Variants in DDX50 observed in about 807,000 individuals in gnomAD.
DDX50 encodes the protein DExD-box helicase 50.
A neutral mutation model predicts 94.8 loss-of-function variants in DDX50; 56 were observed. That is an observed-to-expected ratio of 0.59 (90% confidence interval 0.48 to 0.74). The LOEUF (loss-of-function observed/expected upper bound fraction) is 0.74. Ranked by LOEUF, DDX50 falls within the 30% of genes least tolerant of loss-of-function variation. The pLI is 0.00. For missense variants in DDX50, 713 were observed against 881.2 expected (o/e 0.81, Z 2.42); for synonymous variants, 264 against 295.4 (o/e 0.89, Z 1.09).
At chr10:68,946,215 C>T in intron 14 of DDX50, 137 bp from the exon 15 acceptor site, 1 of 1,081,964 alleles carries the variant, frequency 9.2e-7, no homozygotes, top group Non-Finnish European at 1.3e-6. Flanking sequence ...TTCTGGTTTT[C>T]ATTTTTGTTC....
chr10:68,946,713 T>G lies in DDX50; in HGVS notation c.*83T>G, dbSNP rs1368986494. 1 of 1,508,184 alleles carries G rather than the reference T, an allele frequency of 6.6e-7. No homozygotes were observed. The highest frequency in any genetic ancestry group is 8.9e-7 in the Non-Finnish European group (1 of 1,121,868). The allele number at this position is 1,508,184 out of a possible 1,614,324, so 93.4% of individuals were successfully genotyped here. ...TTATCCACCAAAAATTAGGTCATCATAGTTGAGGTATGTGTCTGCTATTTG... is the reference window on the plus strand; with the variant it reads ...TTATCCACCAAAAATTAGGTCATCAGAGTTGAGGTATGTGTCTGCTATTTG... On this transcript the variant is annotated 3_prime_UTR_variant, in exon 15 of 15. Coordinates refer to ENST00000373585, the MANE Select transcript of DDX50 (RefSeq NM_024045.2).
At chr10:68,939,125 T>A (rs1264010841) in intron 12 of DDX50, among the ~76,000 whole-genome samples, 2 of 152,216 alleles carry the variant, frequency 1.3e-5, no homozygotes. Context: ...GTTAGGTTGT[T>A]CCAGTACTAG....
chr10:68,935,653 G>A (rs1014849238), intron 10 of DDX50, among the ~76,000 whole-genome samples: 1 of 152,080 alleles, frequency 6.6e-6, no homozygotes, highest in Non-Finnish European at 1.5e-5. Flanking sequence ...TGCCCAACAT[G>A]GTGAAACCCC....
intron 8 of DDX50, among the ~76,000 whole-genome samples, chr10:68,925,061 A>ACG (rs1554835773): frequency 3.6e-4 from 52 of 144,522 alleles, no homozygotes; most frequent in African/African-American, 1.2e-3. Context: ...AAATTCCCCC[A>ACG]CGTAGATACA....
chr10:68,922,113 T>G (rs534741105), intron 8 of DDX50, among the ~76,000 whole-genome samples: 2 of 152,218 alleles, frequency 1.3e-5, no homozygotes, highest in East Asian at 3.8e-4. Flanking sequence ...TGTGCATATA[T>G]TGACTGTTTG....
chr10:68,929,307 CTCTCTCTT>C (rs1372741990), intron 8 of DDX50, among the ~76,000 whole-genome samples: 2 of 128,396 alleles, frequency 1.6e-5, no homozygotes, highest in African/African-American at 3.0e-5. Flanking sequence ...CTCTCTCTCT[CTCTCTCTT>C]TCTTTCTCTT....
intron 13 of DDX50, among the ~76,000 whole-genome samples, chr10:68,942,882 A>G (rs909383587): frequency 4.7e-4 from 72 of 152,202 alleles, no homozygotes; most frequent in African/African-American, 1.4e-3. Flanking sequence ...TGGCCTCCCA[A>G]AGTGCTGGGA....
intron 3 of DDX50, 130 bp downstream of exon 3, chr10:68,910,512 C>G (rs969014871): frequency 8.0e-6 from 5 of 622,290 alleles, no homozygotes; most frequent in Admixed American, 3.4e-5. Flanking sequence ...AAGCGATTCT[C>G]CTACCTCAGC....
At chr10:68,932,503 A>G (rs907180059) in intron 8 of DDX50, among the ~76,000 whole-genome samples, 8 of 151,968 alleles carry the variant, frequency 5.3e-5, no homozygotes, top group African/African-American at 1.9e-4. Context: ...CAAGTGATCC[A>G]CCCACGTCAG....
intron 8 of DDX50, among the ~76,000 whole-genome samples, chr10:68,925,197 G>C (rs988156986): frequency 4.1e-5 from 6 of 145,096 alleles, no homozygotes. Flanking sequence ...TCTGCCTCCC[G>C]GGTTCAAGTG....
At chr10:68,916,777 T>C (rs1485508185) in intron 7 of DDX50, among the ~76,000 whole-genome samples, 1 of 152,148 alleles carries the variant, frequency 6.6e-6, no homozygotes, top group Non-Finnish European at 1.5e-5. Flanking sequence ...TCCACCTCCC[T>C]GGTTCAAGTG....
intron 8 of DDX50, among the ~76,000 whole-genome samples, chr10:68,930,407 C>T (rs144916975): frequency 1.1e-4 from 17 of 152,248 alleles, no homozygotes; most frequent in Admixed American, 3.3e-4. Flanking sequence ...CGTGAGCCAC[C>T]GTGCTCAGCC....
At chr10:68,916,663 C>T (rs1262850164) in intron 7 of DDX50, among the ~76,000 whole-genome samples, 2 of 152,114 alleles carry the variant, frequency 1.3e-5, no homozygotes, top group Admixed American at 6.5e-5. Flanking sequence ...TTTAAAACCA[C>T]AGTCATTATC....
At chr10:68,915,298 A>G (rs1178498685) in intron 7 of DDX50, among the ~76,000 whole-genome samples, 1 of 151,860 alleles carries the variant, frequency 6.6e-6, no homozygotes, top group Non-Finnish European at 1.5e-5. Context: ...CTGTAGTTCC[A>G]GCTACTCGGG....
chr10:68,934,900 A>G lies in DDX50; in HGVS notation c.1503A>G (p.Arg501=). The part of the protein sequence containing the change: ...FYQPRERGQL[R]YVEQKAGITF... ...AACCAAGAGAAAGAGGTCAACTAAG[A>G]TATGTGGAACAAAAAGCAGTAAGTA... Residue 501 remains arginine, a synonymous_variant, in exon 10 of 15, where the codon AGA becomes AGG. Coordinates refer to ENST00000373585, the MANE Select transcript of DDX50 (RefSeq NM_024045.2). The surrounding 1 kb of genome is among the most constrained non-coding windows in gnomAD (Gnocchi z 4.0). 1 of 1,612,608 alleles carries G rather than the reference A, an allele frequency of 6.2e-7. No homozygotes were observed. The highest frequency in any genetic ancestry group is 8.5e-7 in the Non-Finnish European group (1 of 1,179,284).
At chr10:68,923,486 G>A (rs1841996736) in intron 8 of DDX50, among the ~76,000 whole-genome samples, 1 of 151,546 alleles carries the variant, frequency 6.6e-6, no homozygotes, top group Non-Finnish European at 1.5e-5. Context: ...GATTACAGTC[G>A]AAAGCCACTG....
chr10:68,916,717 C>G (rs182524710), intron 7 of DDX50, among the ~76,000 whole-genome samples: 115 of 152,226 alleles, frequency 7.6e-4, no homozygotes, highest in African/African-American at 2.6e-3. Flanking sequence ...GAATTTCACT[C>G]TTGTTGCCTA....
chr10:68,912,131 A>G (rs1000169298), intron 4 of DDX50, among the ~76,000 whole-genome samples: 1 of 152,170 alleles, frequency 6.6e-6, no homozygotes, highest in African/African-American at 2.4e-5. Flanking sequence ...TTGGAGAGTT[A>G]TGTTTTTCGG....
At chr10:68,910,219 C>T in intron 2 of DDX50, 88 bp from the exon 3 acceptor site, 1 of 1,162,746 alleles carries the variant, frequency 8.6e-7, no homozygotes, top group Non-Finnish European at 1.2e-6. Flanking sequence ...ACTAATTTTC[C>T]TTGTAAGTTA....
Sources: allele counts gnomAD v4.1 joint callset (sites outside exome capture counted in the v4.1 genomes callset), GRCh38; gene constraint gnomAD v4.1.1; non-coding constraint Gnocchi (gnomAD v3.1); transcripts MANE v1.5; gene names NCBI Gene and HGNC (gene_info 2026-07-23, HGNC 2026-07-21).